GPR26: variants seen among roughly 807,000 people sequenced by gnomAD.
GPR26 encodes G protein-coupled receptor 26.
In GPR26, 15 loss-of-function variants were observed where a neutral mutation model predicts 23.1. That is an observed-to-expected ratio of 0.65 (90% CI 0.43 to 1.00). The LOEUF (loss-of-function observed/expected upper bound fraction) is 1.00, where lower values mean the gene tolerates loss of function less well. Ranked by LOEUF, GPR26 falls within the 50% of genes least tolerant of loss-of-function variation. GPR26 has a pLI of 0.00. For missense variants in GPR26, 359 were observed against 470.5 expected (o/e 0.76, Z 2.19); for synonymous variants, 228 against 222.1 (o/e 1.03, Z -0.24).
rs535183428 is a variant in GPR26 at position 123,682,557 on chromosome 10, G to T, written c.783-5372G>T. 2.0e-5 allele frequency among the ~76,000 whole-genome samples: 3 copies of T among 152,260 alleles called. No individual in the cohort carries two copies. The South Asian group carries it at 6.2e-4, about 32-fold the overall frequency. On this transcript the variant is annotated intron_variant, in intron 2 of 2. Coordinates refer to ENST00000284674, the MANE Select transcript of GPR26 (RefSeq NM_153442.4). ...AGCAGGGCCTGCACATCCACAACAG[G>T]TTCTCATCCAAAAGCTCAAATGACA... is the stretch of plus-strand genomic sequence containing the variant.
At chr10:123,677,702 G>A (rs552928328) in intron 2 of GPR26, among the ~76,000 whole-genome samples, 96 of 152,302 alleles carry the variant, frequency 6.3e-4, no homozygotes, top group African/African-American at 2.1e-3. Flanking sequence ...CAGGTTCTGG[G>A]GCAGGAATGA....
At chr10:123,667,899 C>T (rs1008806310) in intron 1 of GPR26, among the ~76,000 whole-genome samples, 2 of 152,166 alleles carry the variant, frequency 1.3e-5, no homozygotes, top group Non-Finnish European at 2.9e-5. Context: ...CTCTTAGCTG[C>T]GCTGTCCTGA....
Position 123,666,557 on chromosome 10 carries a change from C to A in GPR26, c.150C>A (p.Cys50Ter). 6.3e-7 allele frequency: 1 copy of A among 1,596,796 alleles called. No homozygotes were observed. Among genetic ancestry groups the A allele is most frequent in the Admixed American group, 1.7e-5 (1 of 58,512 alleles). The change falls in exon 1 of 3, where the codon TGC becomes TGA. Residue 50 changes from cysteine (C) to a stop codon, truncating the protein, a stop_gained. Transcript: ENST00000284674. LOFTEE classifies it high-confidence loss of function. ...CGCTCTTCACCCTGAACCTCACGTG[C>A]GGGAACCTGCTGTGCACCGTGGTCA... ...APALFTLNLT[C>*]GNLLCTVVNM...
chr10:123,666,445 T>G lies in GPR26; in HGVS notation c.38T>G (p.Val13Gly), dbSNP rs1589921269. 1 of 1,542,910 alleles carries G rather than the reference T, an allele frequency of 6.5e-7. No homozygotes were observed. Among genetic ancestry groups the G allele is most frequent in the Non-Finnish European group, 8.7e-7 (1 of 1,152,854 alleles). The change falls in exon 1 of 3, where the codon GTG becomes GGG. Residue 13 changes from valine (V) to glycine (G), a missense_variant. Val to Gly is a moderately radical substitution (Grantham distance 109). Coordinates refer to ENST00000284674, the MANE Select transcript of GPR26 (RefSeq NM_153442.4). ...GACGCGGGCCTGGCGGGGCTACTGG[T>G]GGGCACGATGGGCGTCTCGCTGCTG... ...SWDAGLAGLL[V>G]GTMGVSLLSN... is the part of the protein sequence containing the mutation.
rs1183840712 is a variant in GPR26 at position 123,689,878 on chromosome 10, G to T, written c.*1718G>T. On this transcript the variant is annotated 3_prime_UTR_variant, in exon 3 of 3. Transcript: ENST00000284674. ...TCCAAGGAGGCCTTGGCATCTTGCA[G>T]TTGCTGTCAGAGATGGGCTCATATC... 1 of 152,162 alleles carries T rather than the reference G, an allele frequency of 6.6e-6. No homozygotes were observed. The highest frequency in any genetic ancestry group is 1.5e-5 in the Non-Finnish European group (1 of 68,028). 9.4% of individuals were successfully genotyped at this position (152,162 alleles called of 1,614,324 possible). A position where few individuals can be genotyped will look rare whatever the true frequency, so the allele number is the denominator to read the frequency against.
Position 123,666,849 on chromosome 10 carries a change from G to T in GPR26, c.442G>T (p.Gly148Cys). 1 of 1,610,742 alleles carries T rather than the reference G, an allele frequency of 6.2e-7. No homozygotes were observed. Residue 148 changes from glycine to cysteine, a missense_variant, in exon 1 of 3, where the codon GGC becomes TGC. By Grantham distance (159) the Gly-to-Cys change is radical (BLOSUM62 -3). Transcript: ENST00000284674. ...CGCCGCGCTCGCCCTGTCCTGGCTC[G>T]GCTTCCACCAGCTGTACGCCTCGTG... ...PAAALALSWL[G>C]FHQLYASCTL...
Position 123,689,676 on chromosome 10 carries a change from T to C in GPR26, c.*1516T>C, listed in dbSNP as rs1845471055. 6.6e-6 allele frequency: 1 copy of C among 151,956 alleles called. No individual in the cohort carries two copies. Among genetic ancestry groups the C allele is most frequent in the African/African-American group, 2.4e-5 (1 of 41,386 alleles). The allele number at this position is 151,956 out of a possible 1,614,324, so 9.4% of individuals were successfully genotyped here. On this transcript the variant is annotated 3_prime_UTR_variant, in exon 3 of 3. Coordinates refer to ENST00000284674, the MANE Select transcript of GPR26 (RefSeq NM_153442.4). ...GGTCCAACGGGAAGGAAGTGAAGAG[T>C]CTATTGGTTTTTACTTCTAGGCAGT... is the stretch of plus-strand genomic sequence containing the variant.
rs1048710975 is a variant in GPR26, at chr10:123,695,213, T to C, written c.*7053T>C. Among the ~76,000 whole-genome samples, 1 of 152,240 alleles carries C rather than the reference T, an allele frequency of 6.6e-6. No individual in the cohort carries two copies. Among genetic ancestry groups the C allele is most frequent in the Admixed American group, 6.5e-5 (1 of 15,282 alleles). On this transcript the variant is annotated 3_prime_UTR_variant, in exon 3 of 3. Transcript: ENST00000284674. ...TAGCAGTGTTCCAGTTCATCACGTA[T>C]ACCCATATTTAAGGACTTTTAAAGT...
chr10:123,683,296 C>A (rs528706545), intron 2 of GPR26, among the ~76,000 whole-genome samples: 5 of 152,310 alleles, frequency 3.3e-5, no homozygotes, highest in South Asian at 2.1e-4. Flanking sequence ...GGCTGTGTAG[C>A]TTTGACACTT....
chr10:123,694,948 G>C lies in GPR26; in HGVS notation c.*6788G>C, dbSNP rs1277269774. Among the ~76,000 whole-genome samples, 2 of 152,146 alleles carry C rather than the reference G, an allele frequency of 1.3e-5. No homozygotes were observed. Among genetic ancestry groups the C allele is most frequent in the Admixed American group, 6.5e-5 (1 of 15,284 alleles). On this transcript the variant is annotated 3_prime_UTR_variant, in exon 3 of 3. Coordinates refer to ENST00000284674, the MANE Select transcript of GPR26 (RefSeq NM_153442.4). ...GGGTTCGAATGTTTGTCTTCGGTAG[G>C]GAGTGCCACACATTTAATATCAATG...
intron 2 of GPR26, among the ~76,000 whole-genome samples, chr10:123,680,342 C>T (rs899726269): frequency 6.6e-6 from 1 of 152,194 alleles, no homozygotes; most frequent in Non-Finnish European, 1.5e-5. Context: ...ACAGTTTGCT[C>T]AGGTGTTTTT....
At position 123,688,060 on chromosome 10, in the gene GPR26, G is replaced by T. The variant is rs1400470494; in HGVS notation, c.914G>T (p.Cys305Phe). The change falls in exon 3 of 3, where the codon TGC becomes TTC. Residue 305 changes from cysteine to phenylalanine, a missense_variant. Physicochemically the swap from Cys to Phe is radical, Grantham distance 205. Coordinates refer to ENST00000284674, the MANE Select transcript of GPR26 (RefSeq NM_153442.4). The stretch of plus-strand genomic sequence containing the variant: ...CTGCGACACCAGTACCGCAAAAGCT[G>T]CAAGGAGATTCTGAACAGGCTCCTG... ...SLLRHQYRKS[C>F]KEILNRLLHR... 6.2e-7 allele frequency: 1 copy of T among 1,614,090 alleles called. No homozygotes were observed. Among genetic ancestry groups the T allele is most frequent in the South Asian group, 1.1e-5 (1 of 91,088 alleles).
At chr10:123,686,504 T>C (rs1014410140) in intron 2 of GPR26, among the ~76,000 whole-genome samples, 9 of 152,034 alleles carry the variant, frequency 5.9e-5, no homozygotes, top group Middle Eastern at 3.2e-3. Flanking sequence ...AACTAGAGGG[T>C]CCTCAGAGTG....
intron 2 of GPR26, among the ~76,000 whole-genome samples, chr10:123,675,857 A>AGTGTGTGTGTGTGTGTGTGTGT (rs1564731138): frequency 2.6e-4 from 12 of 45,610 alleles, no homozygotes; most frequent in African/African-American, 7.2e-4. Flanking sequence ...TGTGTGTGTA[A>AGTGTGTGTGTGTGTGTGTGTGT]GAGAGAGAGA....
In GPR26 at chr10:123,691,896, T is replaced by C. The variant is rs190679053; in HGVS notation, c.*3736T>C. 6.6e-6 allele frequency: 1 copy of C among 152,288 alleles called. No individual in the cohort carries two copies. Among genetic ancestry groups the C allele is most frequent in the East Asian group, 1.9e-4 (1 of 5,182 alleles). The allele number at this position is 152,288 out of a possible 1,614,324, so 9.4% of individuals were successfully genotyped here. A position where few individuals can be genotyped will look rare whatever the true frequency, so the allele number is the denominator to read the frequency against. On this transcript the variant is annotated 3_prime_UTR_variant, in exon 3 of 3. Transcript: ENST00000284674. ...ACTGATAGGAGTTTTCTTCAAACCA[T>C]CCCCTAAGGAGAAATGATCTTAGAC...
chr10:123,695,281 G>T lies in GPR26; in HGVS notation c.*7121G>T, dbSNP rs1460388454. On this transcript the variant is annotated 3_prime_UTR_variant, in exon 3 of 3. Transcript: ENST00000284674. Reference sequence around the variant, plus strand: ...CAAAAGACGATGTGTACCCCTTGGGGCATGCGTGTGTTCTTAGGAACACCA... The same window carrying T: ...CAAAAGACGATGTGTACCCCTTGGGTCATGCGTGTGTTCTTAGGAACACCA... Among the ~76,000 whole-genome samples, 1 of 152,182 alleles carries T rather than the reference G, an allele frequency of 6.6e-6. No individual in the cohort carries two copies. Among genetic ancestry groups the T allele is most frequent in the Non-Finnish European group, 1.5e-5 (1 of 68,046 alleles).
chr10:123,666,793 A>T lies in GPR26; in HGVS notation c.386A>T (p.Tyr129Phe). 6.2e-7 allele frequency: 1 copy of T among 1,607,174 alleles called. No homozygotes were observed. Among genetic ancestry groups the T allele is most frequent in the Non-Finnish European group, 8.5e-7 (1 of 1,177,980 alleles). ...CGCGACGCGGCGCTCATGGTGGCCTACACGTGGCTGCACGCGCTCACCTTC... is the reference window on the plus strand; with the variant it reads ...CGCGACGCGGCGCTCATGGTGGCCTTCACGTGGCTGCACGCGCTCACCTTC... ...RLRDAALMVA[Y>F]TWLHALTFPA... The change falls in exon 1 of 3, where the codon TAC (tyrosine) becomes TTC (phenylalanine). Residue 129 changes from tyrosine to phenylalanine, a missense_variant. Coordinates refer to ENST00000284674, the MANE Select transcript of GPR26 (RefSeq NM_153442.4).
At position 123,695,468 on chromosome 10, in the gene GPR26, T is replaced by G. The variant is rs1225181962; in HGVS notation, c.*7308T>G. 6.6e-6 allele frequency among the ~76,000 whole-genome samples: 1 copy of G among 152,194 alleles called. No individual in the cohort carries two copies. The highest frequency in any genetic ancestry group is 1.5e-5 in the Non-Finnish European group (1 of 68,032). On this transcript the variant is annotated 3_prime_UTR_variant, in exon 3 of 3. Coordinates refer to ENST00000284674, the MANE Select transcript of GPR26 (RefSeq NM_153442.4). ...CTGTATTTGGAGAGAGGAAGTCTAC[T>G]CTTAACTGTGAGAGTTAAGAGTATC...
chr10:123,672,690 G>C (rs542209979), intron 1 of GPR26, among the ~76,000 whole-genome samples: 2 of 152,320 alleles, frequency 1.3e-5, no homozygotes, highest in South Asian at 4.2e-4. Context: ...CAGAAGGTCT[G>C]GGTTCAGGTC....
Sources: gnomAD v4.1 joint callset for allele counts (sites outside exome capture counted in the v4.1 genomes callset) on GRCh38, gnomAD v4.1.1 for gene constraint, MANE v1.5 for transcripts, NCBI Gene and HGNC (gene_info 2026-07-23, HGNC 2026-07-21) for gene names.